Variants in PIBF1 observed in about 807,000 individuals in gnomAD.
The protein encoded by PIBF1 is progesterone-induced-blocking factor 1.
A neutral mutation model predicts 112.5 loss-of-function variants in PIBF1; 90 were observed. The ratio of observed to expected loss-of-function variants is 0.80; its 90% CI spans 0.67 to 0.95. The LOEUF (loss-of-function observed/expected upper bound fraction) is 0.95. PIBF1 is among the 40% of genes least tolerant of loss of function. The pLI is 0.00. For synonymous variants in PIBF1, 301 were observed against 288.6 expected (o/e 1.04, Z -0.44); for missense variants, 915 against 852.3 (o/e 1.07, Z -0.92).
Position 72,883,207 on chromosome 13 carries a change from A to G in PIBF1, c.1323-10577A>G, listed in dbSNP as rs535415486. On this transcript the variant is annotated intron_variant, in intron 10 of 17. Coordinates refer to ENST00000326291, the MANE Select transcript of PIBF1 (RefSeq NM_006346.4). ...AACAACATGAATGGAACTGGAGGTCATTATATTAAGTAAAATAAGCGAGGC... is the reference window on the plus strand; with the variant it reads ...AACAACATGAATGGAACTGGAGGTCGTTATATTAAGTAAAATAAGCGAGGC... 5.3e-5 allele frequency among the ~76,000 whole-genome samples: 8 copies of G among 152,324 alleles called. No individual in the cohort carries two copies. In the South Asian group the frequency reaches 1.7e-3, roughly 32 times the overall value.
intron 16 of PIBF1, chr13:72,973,976 C>T (rs564624115): frequency 8.1e-6 from 3 of 370,844 alleles, no homozygotes; most frequent in Non-Finnish European, 9.5e-6. Flanking sequence ...GTGTGCCTCT[C>T]GTCTTCTTTA....
chr13:72,860,205 G>A (rs764780460), intron 10 of PIBF1, among the ~76,000 whole-genome samples: 6 of 152,102 alleles, frequency 3.9e-5, no homozygotes, highest in East Asian at 1.9e-4. Context: ...AAGAGTTGAC[G>A]CACTCATTAA....
intron 14 of PIBF1, among the ~76,000 whole-genome samples, chr13:72,946,961 G>A (rs1049083023): frequency 2.6e-5 from 4 of 152,180 alleles, no homozygotes; most frequent in African/African-American, 4.8e-5. Flanking sequence ...TCTGGAAGAC[G>A]GTGGCCGTCT....
intron 5 of PIBF1, 44 bp from the exon 6 acceptor site, chr13:72,821,805 T>A: frequency 6.6e-7 from 1 of 1,506,524 alleles, no homozygotes; most frequent in Non-Finnish European, 9.0e-7. Flanking sequence ...GCAACTATGT[T>A]AAGTGTTTAG....
intron 16 of PIBF1, among the ~76,000 whole-genome samples, chr13:72,983,332 G>A (rs1347834001): frequency 6.6e-6 from 1 of 152,078 alleles, no homozygotes; most frequent in Non-Finnish European, 1.5e-5. Flanking sequence ...TGAGACCTGG[G>A]ATATCTTCTA....
intron 8 of PIBF1, among the ~76,000 whole-genome samples, chr13:72,830,994 T>C (rs1197712993): frequency 6.6e-6 from 1 of 152,160 alleles, no homozygotes; most frequent in African/African-American, 2.4e-5. Flanking sequence ...GGTTTAGACT[T>C]GGGAGGGTGT....
chr13:72,826,676 A>G (rs1319956196), intron 6 of PIBF1, among the ~76,000 whole-genome samples: 1 of 152,162 alleles, frequency 6.6e-6, no homozygotes, highest in Non-Finnish European at 1.5e-5. Flanking sequence ...CCATGTATAC[A>G]TTCTTTAAAA....
At chr13:72,850,897 T>C (rs1257499596) in intron 9 of PIBF1, among the ~76,000 whole-genome samples, 1 of 152,214 alleles carries the variant, frequency 6.6e-6, no homozygotes, top group Non-Finnish European at 1.5e-5. Flanking sequence ...TAGAATGCAC[T>C]TCCACTTAGT....
chr13:72,994,160 C>T (rs749482979), intron 16 of PIBF1, among the ~76,000 whole-genome samples: 3 of 151,056 alleles, frequency 2.0e-5, no homozygotes, highest in African/African-American at 7.3e-5. Context: ...AGGCCGGAGG[C>T]GGGGAAGGGA....
intron 15 of PIBF1, among the ~76,000 whole-genome samples, chr13:72,970,348 A>G (rs528211990): frequency 9.2e-5 from 14 of 152,286 alleles, no homozygotes; most frequent in Non-Finnish European, 1.3e-4. Context: ...TGTGTAATAC[A>G]GTTTGATCTC....
chr13:72,910,776 A>G (rs80267001), intron 12 of PIBF1, among the ~76,000 whole-genome samples: 230 of 152,346 alleles, frequency 1.5e-3, no homozygotes, highest in African/African-American at 5.4e-3. Context: ...ACCCAAAAAT[A>G]TACTAGAAGT....
At chr13:72,840,644 C>T (rs556798771) in intron 9 of PIBF1, among the ~76,000 whole-genome samples, 12 of 151,902 alleles carry the variant, frequency 7.9e-5, no homozygotes, top group Non-Finnish European at 1.3e-4. Context: ...CTGTCTCAGC[C>T]TTCTGAGTAG....
chr13:72,917,478 C>T (rs1044486491), intron 13 of PIBF1, among the ~76,000 whole-genome samples: 1 of 151,592 alleles, frequency 6.6e-6, no homozygotes, highest in South Asian at 2.1e-4. Context: ...GATTAAAATT[C>T]ATTGTGCTTT....
chr13:72,835,927 A>G (rs1323028501), intron 9 of PIBF1, among the ~76,000 whole-genome samples: 3 of 151,812 alleles, frequency 2.0e-5, no homozygotes, highest in Non-Finnish European at 2.9e-5. Context: ...GTGAAACCCC[A>G]TCTCTACTAA....
At chr13:72,803,679 TGA>T (rs758548398) in intron 5 of PIBF1, among the ~76,000 whole-genome samples, 1 of 152,152 alleles carries the variant, frequency 6.6e-6, no homozygotes, top group Non-Finnish European at 1.5e-5. Context: ...CACAAAAAGT[TGA>T]GTTTCGATTT....
chr13:72,867,425 T>A (rs778294030), intron 10 of PIBF1, among the ~76,000 whole-genome samples: 1 of 152,220 alleles, frequency 6.6e-6, no homozygotes, highest in Non-Finnish European at 1.5e-5. Context: ...ATTCTTTATT[T>A]AAAGTACTCA....
intron 14 of PIBF1, among the ~76,000 whole-genome samples, chr13:72,961,583 G>A (rs898836052): frequency 2.0e-4 from 30 of 152,004 alleles, no homozygotes; most frequent in Non-Finnish European, 2.8e-4. Flanking sequence ...GACGTTTATC[G>A]CCAAATAGTA....
At chr13:72,923,110 G>A (rs907034533) in intron 13 of PIBF1, among the ~76,000 whole-genome samples, 2 of 152,180 alleles carry the variant, frequency 1.3e-5, no homozygotes, top group Admixed American at 1.3e-4. Context: ...TAATAAGCAT[G>A]CCTCACATAT....
chr13:72,816,748 A>G (rs959422948), intron 5 of PIBF1, among the ~76,000 whole-genome samples: 1 of 151,836 alleles, frequency 6.6e-6, no homozygotes, highest in African/African-American at 2.4e-5. Context: ...ATTCAAATAG[A>G]TATAATTGAA....
Sources: allele counts gnomAD v4.1 joint callset (sites outside exome capture counted in the v4.1 genomes callset), GRCh38; gene constraint gnomAD v4.1.1; transcripts MANE v1.5; gene names NCBI Gene and HGNC (gene_info 2026-07-23, HGNC 2026-07-21).